The following PPIL6 variants were observed in gnomAD, a reference collection of about 807,000 sequenced individuals.
PPIL6 encodes probable inactive peptidyl-prolyl cis-trans isomerase-like 6.
A neutral mutation model predicts 36.8 loss-of-function variants in PPIL6; 39 were observed. That is an observed-to-expected ratio of 1.06 (90% CI 0.82 to 1.38). PPIL6 has a LOEUF of 1.38. Ranked by LOEUF, PPIL6 falls within the 40% of genes most tolerant of loss-of-function variation. The probability of loss-of-function intolerance (pLI) is 0.00; values close to 1 mark genes in which losing one functional copy is unlikely to be tolerated. For synonymous variants in PPIL6, 123 were observed against 134.1 expected (o/e 0.92, Z 0.57); for missense variants, 368 against 379.1 (o/e 0.97, Z 0.24).
chr6:109,416,449 C>T (rs1437637423), intron 6 of PPIL6, among the ~76,000 whole-genome samples: 6 of 151,318 alleles, frequency 4.0e-5, no homozygotes, highest in African/African-American at 1.2e-4. Flanking sequence ...GTGATCCACC[C>T]GCCTCAGCCT....
intron 7 of PPIL6, among the ~76,000 whole-genome samples, chr6:109,397,184 G>C (rs1355403518): frequency 6.7e-6 from 1 of 149,450 alleles, no homozygotes; most frequent in African/African-American, 2.5e-5. Flanking sequence ...GGAGATTTAA[G>C]GAATACACTG....
intron 6 of PPIL6, among the ~76,000 whole-genome samples, chr6:109,409,352 AG>A (rs1772921354): frequency 6.6e-6 from 1 of 152,198 alleles, no homozygotes; most frequent in African/African-American, 2.4e-5. Flanking sequence ...ACTTGAGGTC[AG>A]GAGTTCCAGA....
At chr6:109,440,924 A>T (rs1774836352), upstream of PPIL6, 5 of 592,266 alleles carry the variant, frequency 8.4e-6, no homozygotes, top group Non-Finnish European at 1.2e-5. Flanking sequence ...GGCCCGCCTG[A>T]TTGGGAACAG....
intron 5 of PPIL6, among the ~76,000 whole-genome samples, chr6:109,424,163 C>T (rs564941100): frequency 6.6e-5 from 10 of 151,966 alleles, no homozygotes; most frequent in South Asian, 6.3e-4. Flanking sequence ...TAGGGTGGTC[C>T]GGTAAGGCCT....
At chr6:109,434,932 C>T (rs1277094467) in intron 2 of PPIL6, among the ~76,000 whole-genome samples, 4 of 152,220 alleles carry the variant, frequency 2.6e-5, no homozygotes, top group African/African-American at 7.2e-5. Context: ...CATCCCTGGA[C>T]AAGCTCTGCT....
In PPIL6 at chr6:109,433,150, A is replaced by T. The variant is rs565620287; in HGVS notation, c.232-1805T>A. On this transcript the variant is annotated intron_variant, in intron 2 of 7. Transcript: ENST00000521072. ...CAGCTCACTGCAACTTCTGCCTCCT[A>T]TGTTCAAGTGATTCTCCTGCCTCAG... 1.1e-4 allele frequency among the ~76,000 whole-genome samples: 17 copies of T among 150,198 alleles called. No individual in the cohort carries two copies. The East Asian group carries it at 3.4e-3, about 30-fold the overall frequency.
chr6:109,408,776 T>C (rs1367249356), intron 6 of PPIL6, among the ~76,000 whole-genome samples: 1 of 152,212 alleles, frequency 6.6e-6, no homozygotes, highest in Non-Finnish European at 1.5e-5. Flanking sequence ...TTAATATTTG[T>C]CACTTTCCTG....
intron 1 of PPIL6, chr6:109,440,220 G>A (rs1419213254): frequency 1.6e-6 from 1 of 611,202 alleles, no homozygotes; most frequent in Admixed American, 2.1e-5. Flanking sequence ...CCTTCGCTCA[G>A]TTCTCCCTTT....
At chr6:109,396,335 G>T (rs1390935074) in intron 7 of PPIL6, among the ~76,000 whole-genome samples, 15 of 152,016 alleles carry the variant, frequency 9.9e-5, no homozygotes, top group Admixed American at 9.2e-4. Context: ...ATTCTCCCAT[G>T]GCCCCCATCA....
At chr6:109,401,537 G>C (rs1772537222) in intron 6 of PPIL6, among the ~76,000 whole-genome samples, 1 of 152,096 alleles carries the variant, frequency 6.6e-6, no homozygotes. Flanking sequence ...TTTCAGCCTG[G>C]TAAGTTGAAA....
chr6:109,398,704 T>G (rs1772401122), intron 7 of PPIL6, among the ~76,000 whole-genome samples: 1 of 152,244 alleles, frequency 6.6e-6, no homozygotes, highest in Admixed American at 6.5e-5. Flanking sequence ...TAAAAAAAGT[T>G]ATATGTAACT....
At chr6:109,393,729 C>T (rs1036949264) in intron 7 of PPIL6, among the ~76,000 whole-genome samples, 4 of 151,958 alleles carry the variant, frequency 2.6e-5, no homozygotes, top group Middle Eastern at 6.3e-3. Flanking sequence ...GCTTTCAGTA[C>T]CTCAAGAGCT....
chr6:109,400,529 T>C (rs1027790471), intron 6 of PPIL6, among the ~76,000 whole-genome samples: 1 of 152,210 alleles, frequency 6.6e-6, no homozygotes, highest in African/African-American at 2.4e-5. Context: ...ACTACCACCA[T>C]ACTCATTAAA....
At chr6:109,395,611 T>A (rs1443899094) in intron 7 of PPIL6, among the ~76,000 whole-genome samples, 1 of 148,340 alleles carries the variant, frequency 6.7e-6, no homozygotes, top group Admixed American at 6.7e-5. Context: ...TAACTTCTTT[T>A]TTTTTTTTTT....
At chr6:109,397,932 G>A (rs562994238) in intron 7 of PPIL6, among the ~76,000 whole-genome samples, 2 of 149,140 alleles carry the variant, frequency 1.3e-5, no homozygotes, top group East Asian at 2.0e-4. Context: ...TCACCCTGTC[G>A]TCAGACTGGA....
At chr6:109,435,634 C>A (rs559122355) in intron 2 of PPIL6, among the ~76,000 whole-genome samples, 3 of 151,366 alleles carry the variant, frequency 2.0e-5, no homozygotes, top group Admixed American at 6.6e-5. Flanking sequence ...GAACAAAAAA[C>A]AGCTTGGTGG....
At position 109,436,119 on chromosome 6, in the gene PPIL6, T is replaced by C. The variant is rs755538298; in HGVS notation, c.216A>G (p.Leu72=). 15 of 1,563,406 alleles carry C rather than the reference T, an allele frequency of 9.6e-6. No homozygotes were observed. Among genetic ancestry groups the C allele is most frequent in the Non-Finnish European group, 1.8e-6 (2 of 1,134,098 alleles). Residue 72 remains leucine (L), a synonymous_variant, in exon 2 of 8, where the codon CTA becomes CTG. Transcript: ENST00000521072. ...TATCCTTTACCCTTTTTTTCTCCTG[T>C]AGATATTGATGCCATGCAAATTCTT... The part of the protein sequence containing the change: ...PLQEFAWHQY[L]QEKKRELKNE...
At chr6:109,438,803 G>A (rs1158628350) in intron 1 of PPIL6, among the ~76,000 whole-genome samples, 1 of 152,048 alleles carries the variant, frequency 6.6e-6, no homozygotes, top group Non-Finnish European at 1.5e-5. Context: ...TGGCCAGGCT[G>A]GTCTTGAACT....
intron 5 of PPIL6, among the ~76,000 whole-genome samples, chr6:109,422,290 T>C (rs1376967973): frequency 1.3e-5 from 2 of 152,086 alleles, no homozygotes; most frequent in Admixed American, 1.3e-4. Context: ...GATTGTGCCA[T>C]TGCACTCCAG....
Sources: gnomAD v4.1 joint callset for allele counts (sites outside exome capture counted in the v4.1 genomes callset) on GRCh38, gnomAD v4.1.1 for gene constraint, MANE v1.5 for transcripts, NCBI Gene and HGNC (gene_info 2026-07-23, HGNC 2026-07-21) for gene names.